The following BIN1 variants were observed in gnomAD, a reference collection of about 807,000 sequenced individuals.
BIN1 encodes the protein myc box-dependent-interacting protein 1.
In BIN1, 53 loss-of-function variants were observed where a neutral mutation model predicts 82.0. That is an observed-to-expected ratio of 0.65 (90% CI 0.52 to 0.81). The LOEUF (loss-of-function observed/expected upper bound fraction) is 0.81, where lower values mean the gene tolerates loss of function less well. Ranked by LOEUF, BIN1 falls within the 40% of genes least tolerant of loss-of-function variation. The pLI, the probability that BIN1 is intolerant of heterozygous loss-of-function variation, is 0.00. For synonymous variants in BIN1, 302 were observed against 328.0 expected (o/e 0.92, Z 0.86); for missense variants, 642 against 784.4 (o/e 0.82, Z 2.17).
Position 127,084,691 on chromosome 2 carries a change from G to A in BIN1, c.85-7985C>T, listed in dbSNP as rs75023436. ...TTGGCTCTGCAGCGAAGAAGCGACCGAGCTCAGATTCTGTGGCTTTGTGGT... is the reference window on the plus strand; with the variant it reads ...TTGGCTCTGCAGCGAAGAAGCGACCAAGCTCAGATTCTGTGGCTTTGTGGT... On this transcript the variant is annotated intron_variant, in intron 1 of 18. Coordinates refer to ENST00000316724, the MANE Select transcript of BIN1 (RefSeq NM_139343.3). Among the ~76,000 whole-genome samples the A allele has an allele frequency of 2.4e-3, 368 of 152,364 alleles. 3 individuals are homozygous for A. The highest frequency in any genetic ancestry group is 8.4e-3 in the African/African-American group (351 of 41,592).
Position 127,106,883 on chromosome 2 carries a change from T to G in BIN1, c.61A>C (p.Lys21Gln), listed in dbSNP as rs778087138. The G allele has an allele frequency of 1.3e-5, 21 of 1,611,874 alleles. No individual in the cohort carries two copies. Among genetic ancestry groups the G allele is most frequent in the Non-Finnish European group, 1.7e-5 (20 of 1,179,522 alleles). The change falls in exon 1 of 19, where the codon AAG (lysine) becomes CAG (glutamine). Residue 21 changes from lysine (K) to glutamine (Q), a missense_variant. Physicochemically the swap from Lys to Gln is moderately conservative, Grantham distance 53. Coordinates refer to ENST00000316724, the MANE Select transcript of BIN1 (RefSeq NM_139343.3). ...ACCTTCTCCTGCGCGCGGGTGAGCT[T>G]CTTCTGCACGTTGCTGGCGATCTTT... is the stretch of plus-strand genomic sequence containing the variant. Reference protein sequence around the residue: ...AGKIASNVQKKLTRAQEKVLQ... With the variant: ...AGKIASNVQKQLTRAQEKVLQ...
intron 2 of BIN1, among the ~76,000 whole-genome samples, chr2:127,075,152 C>T (rs965358281): frequency 1.3e-5 from 2 of 152,224 alleles, no homozygotes; most frequent in African/African-American, 4.8e-5. Flanking sequence ...TCCCCAACAC[C>T]CACACCAGCT....
chr2:127,083,276 C>T (rs777044972), intron 1 of BIN1, among the ~76,000 whole-genome samples: 2 of 151,930 alleles, frequency 1.3e-5, no homozygotes, highest in Non-Finnish European at 2.9e-5. Flanking sequence ...GACAGGGCCT[C>T]GCTATGTTGC....
At chr2:127,058,779 G>A (rs1268674540) in intron 11 of BIN1, among the ~76,000 whole-genome samples, 1 of 152,114 alleles carries the variant, frequency 6.6e-6, no homozygotes, top group Non-Finnish European at 1.5e-5. Context: ...CGCTGCAGTG[G>A]GGGTGGGGGC....
chr2:127,068,875 C>A lies in BIN1; in HGVS notation c.519+49G>T. 3.9e-6 allele frequency: 6 copies of A among 1,556,176 alleles called. No individual in the cohort carries two copies. Among genetic ancestry groups the A allele is most frequent in the Admixed American group, 1.7e-5 (1 of 59,928 alleles). On this transcript the variant is annotated intron_variant, in intron 6 of 18. Transcript: ENST00000316724. The surrounding 1 kb of genome is among the most constrained non-coding windows in gnomAD (Gnocchi z 4.9). ...ACCCTCGGGGTCCTAGACACCCGCC[C>A]TCTCTCAGCCCCCTGCAGACGCTGC...
At position 127,052,298 on chromosome 2, in the gene BIN1, G is replaced by C. The variant is rs758494519; in HGVS notation, c.1328C>G (p.Ala443Gly). 23 of 1,586,516 alleles carry C rather than the reference G, an allele frequency of 1.4e-5. No individual in the cohort carries two copies. Among genetic ancestry groups the C allele is most frequent in the Non-Finnish European group, 2.0e-5 (23 of 1,166,752 alleles). The change falls in exon 15 of 19, where the codon GCT (alanine) becomes GGT (glycine). Residue 443 changes from alanine (A) to glycine (G), a missense_variant. Transcript: ENST00000316724. ...GGCCGTCTGGCTGGGCCAGGACACA[G>C]CAAAGGTGCCCTCGGCAGCGCTGGG... Reference protein sequence around the residue: ...GEPSAAEGTFAVSWPSQTAEP... With the variant: ...GEPSAAEGTFGVSWPSQTAEP...
At chr2:127,049,720 C>T (rs1033982447) in intron 18 of BIN1, among the ~76,000 whole-genome samples, 1 of 152,204 alleles carries the variant, frequency 6.6e-6, no homozygotes, top group Non-Finnish European at 1.5e-5. Flanking sequence ...AGCGGGGAGG[C>T]TCCTGCCAAG....
In BIN1 at chr2:127,063,955, C is replaced by T; in HGVS notation, c.676G>A (p.Glu226Lys). The T allele has an allele frequency of 6.2e-7, 1 of 1,613,836 alleles. No individual in the cohort carries two copies. Residue 226 changes from glutamate to lysine, a missense_variant, in exon 8 of 19, where the codon GAG (glutamate) becomes AAG (lysine). Glu to Lys is a moderately conservative substitution (Grantham distance 56). Transcript: ENST00000316724. ...CACCTGTTCCACAGGGACGGCAGCT[C>T]CTCCTGCAGATCCACATTCATCTCC... ...FEEMNVDLQE[E>K]LPSLWNSRVG...
rs1678721738 is a variant in BIN1, at chr2:127,090,089, C to G, written c.85-13383G>C. Among the ~76,000 whole-genome samples, 1 of 152,030 alleles carries G rather than the reference C, an allele frequency of 6.6e-6. No individual in the cohort carries two copies. The highest frequency in any genetic ancestry group is 2.4e-5 in the African/African-American group (1 of 41,374). The stretch of plus-strand genomic sequence containing the variant: ...CAGCATGGCCAGTTCCTTGGAACAG[C>G]ATATACCAACCACCCCCCTTCCTCT... On this transcript the variant is annotated intron_variant, in intron 1 of 18. Transcript: ENST00000316724. This position sits in a 1 kb window ranked among gnomAD's most constrained non-coding sequence, Gnocchi z 6.4.
chr2:127,063,479 AAGG>A (rs1281304552), intron 9 of BIN1, 89 bp downstream of exon 9: 3 of 1,339,584 alleles, frequency 2.2e-6, no homozygotes, highest in Non-Finnish European at 3.2e-6. Flanking sequence ...CCTGGCAGGG[AAGG>A]AGGAGTTCAG....
At chr2:127,072,484 G>A (rs1308582157) in intron 2 of BIN1, among the ~76,000 whole-genome samples, 1 of 152,174 alleles carries the variant, frequency 6.6e-6, no homozygotes, top group African/African-American at 2.4e-5. Context: ...GTGTTTTGTG[G>A]GTAATGGGTA....
chr2:127,054,149 A>G (rs893246113), intron 12 of BIN1, 137 bp from the exon 13 acceptor site: 6 of 718,566 alleles, frequency 8.3e-6, no homozygotes, highest in Admixed American at 4.1e-5. Context: ...GAGCAAGCGC[A>G]CATACACGCA....
Position 127,077,327 on chromosome 2 carries a change from C to T in BIN1, c.85-621G>A, listed in dbSNP as rs567725401. On this transcript the variant is annotated intron_variant, in intron 1 of 18. Coordinates refer to ENST00000316724, the MANE Select transcript of BIN1 (RefSeq NM_139343.3). ...CTGCTCTGCACAGCCCACACACACA[C>T]ACACACACACAAAACACACAAGGGC... is the stretch of plus-strand genomic sequence containing the variant. 7.8e-5 allele frequency among the ~76,000 whole-genome samples: 8 copies of T among 102,682 alleles called. No homozygotes were observed. In the South Asian group the frequency reaches 2.9e-3, roughly 37 times the overall value. 67.4% of individuals were successfully genotyped at this position (102,682 alleles called of 152,430 possible). A position where few individuals can be genotyped will look rare whatever the true frequency, so the allele number is the denominator to read the frequency against.
Position 127,074,726 on chromosome 2 carries a change from G to A in BIN1, c.165+1900C>T, listed in dbSNP as rs188753663. Among the ~76,000 whole-genome samples the A allele has an allele frequency of 5.7e-4, 87 of 152,260 alleles. 1 individual carries two copies. Among genetic ancestry groups the A allele is most frequent in the African/African-American group, 8.7e-4 (36 of 41,540 alleles). On this transcript the variant is annotated intron_variant, in intron 2 of 18. Coordinates refer to ENST00000316724, the MANE Select transcript of BIN1 (RefSeq NM_139343.3). ...TTGTTTGTTTGTTTGTTTTGAGACCGGAGTCTTGCTCTGTAGCCCAGGCTG... is the reference window on the plus strand; with the variant it reads ...TTGTTTGTTTGTTTGTTTTGAGACCAGAGTCTTGCTCTGTAGCCCAGGCTG...
intron 1 of BIN1, among the ~76,000 whole-genome samples, chr2:127,087,203 C>T (rs1464792513): frequency 1.3e-5 from 2 of 152,194 alleles, no homozygotes; most frequent in African/African-American, 4.8e-5. Flanking sequence ...GCCCGGCCGG[C>T]CCCTGGAGGT....
At chr2:127,103,115 C>T (rs1489084767) in intron 1 of BIN1, among the ~76,000 whole-genome samples, 1 of 152,158 alleles carries the variant, frequency 6.6e-6, no homozygotes, top group Admixed American at 6.5e-5. Flanking sequence ...GGGTGGGCTC[C>T]CAGTGCCATC....
At position 127,098,363 on chromosome 2, in the gene BIN1, G is replaced by A. The variant is rs75327795; in HGVS notation, c.84+8497C>T. Among the ~76,000 whole-genome samples the A allele has an allele frequency of 3.5e-4, 53 of 152,220 alleles. 1 individual carries two copies. The East Asian group carries it at 5.2e-3, about 15-fold the overall frequency. On this transcript the variant is annotated intron_variant, in intron 1 of 18. Coordinates refer to ENST00000316724, the MANE Select transcript of BIN1 (RefSeq NM_139343.3). ...TGCTGCAGCCACCCACTCACTCCCCGTAACAATCCGGGCTCAGCCACCAGA... is the reference window on the plus strand; with the variant it reads ...TGCTGCAGCCACCCACTCACTCCCCATAACAATCCGGGCTCAGCCACCAGA...
In BIN1 at chr2:127,063,923, T is replaced by A; in HGVS notation, c.698+10A>T. ...GCCCCACGCAGGCTGGGCACCGTGC[T>A]GGGCCTCACCTGTTCCACAGGGACG... On this transcript the variant is annotated intron_variant, in intron 8 of 18. Transcript: ENST00000316724. 6.2e-7 allele frequency: 1 copy of A among 1,613,334 alleles called. No individual in the cohort carries two copies.
At chr2:127,095,813 T>C (rs1283678952) in intron 1 of BIN1, among the ~76,000 whole-genome samples, 1 of 152,156 alleles carries the variant, frequency 6.6e-6, no homozygotes, top group Non-Finnish European at 1.5e-5. Flanking sequence ...GCGGCGGGTG[T>C]GATGGTTCTT....
Sources: gnomAD v4.1 joint callset for allele counts (sites outside exome capture counted in the v4.1 genomes callset) on GRCh38, gnomAD v4.1.1 for gene constraint, Gnocchi (gnomAD v3.1) non-coding constraint, MANE v1.5 for transcripts, NCBI Gene and HGNC (gene_info 2026-07-23, HGNC 2026-07-21) for gene names.